Variants in PPP1R16A observed in about 807,000 individuals in gnomAD.
The protein encoded by PPP1R16A is myosin phosphatase-targeting subunit 3.
In PPP1R16A, 39 loss-of-function variants were observed where a neutral mutation model predicts 46.6. That is an observed-to-expected ratio of 0.84 (90% CI 0.65 to 1.09). The LOEUF is 1.09. Ranked by LOEUF, PPP1R16A falls within the 50% of genes least tolerant of loss-of-function variation. PPP1R16A has a pLI of 0.00. For synonymous variants in PPP1R16A, 413 were observed against 321.5 expected, an observed-to-expected ratio of 1.28 and a Z score of -3.04; for missense variants, 798 against 735.6, an observed-to-expected ratio of 1.08 and a Z score of -0.98.
At chr8:144,498,719 A>G in intron 3 of PPP1R16A, 51 bp from the exon 4 acceptor site, 4 of 1,517,454 alleles carry the variant, frequency 2.6e-6, no homozygotes, top group Non-Finnish European at 3.6e-6. Context: ...CACAGTTGAC[A>G]GGACCTGACC....
At chr8:144,485,523 C>CA (rs1421553326) in intron 1 of PPP1R16A, among the ~76,000 whole-genome samples, 1 of 104,056 alleles carries the variant, frequency 9.6e-6, no homozygotes, top group Non-Finnish European at 2.1e-5. Flanking sequence ...CACTCCATCT[C>CA]GGGAAAAAAA....
At position 144,502,010 on chromosome 8, in the gene PPP1R16A, A is replaced by G; in HGVS notation, c.*107A>G. On this transcript the variant is annotated 3_prime_UTR_variant, in exon 12 of 12. Transcript: ENST00000435887. ...GTGCAGCACGGAAACCCCGGCTTCTACTGTACAGGACACTGGCCCCTCTCA... is the reference window on the plus strand; with the variant it reads ...GTGCAGCACGGAAACCCCGGCTTCTGCTGTACAGGACACTGGCCCCTCTCA... 2 of 1,133,532 alleles carry G rather than the reference A, an allele frequency of 1.8e-6. No individual in the cohort carries two copies. The highest frequency in any genetic ancestry group is 2.4e-6 in the Non-Finnish European group (2 of 826,136). The allele number at this position is 1,133,532 out of a possible 1,614,324, so 70.2% of individuals were successfully genotyped here. A position where few individuals can be genotyped will look rare whatever the true frequency, so the allele number is the denominator to read the frequency against.
chr8:144,480,007 C>T (rs570514654), intron 1 of PPP1R16A, among the ~76,000 whole-genome samples: 45 of 152,310 alleles, frequency 3.0e-4, no homozygotes, highest in Non-Finnish European at 4.4e-4. Flanking sequence ...TCTTAGGATG[C>T]AACAGGGAAA....
chr8:144,495,283 T>C (rs1227359977), intron 2 of PPP1R16A, among the ~76,000 whole-genome samples: 1 of 152,040 alleles, frequency 6.6e-6, no homozygotes, highest in Non-Finnish European at 1.5e-5. Context: ...CAGTTCCCTT[T>C]CTGAAAGAAG....
At chr8:144,494,830 A>T (rs77593776) in intron 2 of PPP1R16A, among the ~76,000 whole-genome samples, 2 of 152,052 alleles carry the variant, frequency 1.3e-5, no homozygotes, top group South Asian at 2.1e-4. Flanking sequence ...GCAGGGAGGG[A>T]GGGCTCTGGC....
At chr8:144,479,443 C>T (rs1269762863) in intron 1 of PPP1R16A, among the ~76,000 whole-genome samples, 1 of 152,166 alleles carries the variant, frequency 6.6e-6, no homozygotes, top group African/African-American at 2.4e-5. Flanking sequence ...GGCCATCCCT[C>T]GTGTCTCTGA....
intron 1 of PPP1R16A, among the ~76,000 whole-genome samples, chr8:144,488,493 A>T (rs771942198): frequency 2.4e-4 from 36 of 151,976 alleles, no homozygotes; most frequent in Non-Finnish European, 3.8e-4. Context: ...GGCAGAGAGG[A>T]GGCGATGGGC....
chr8:144,500,401 G>A lies in PPP1R16A; in HGVS notation c.705+10G>A. On this transcript the variant is annotated intron_variant, in intron 7 of 11. Coordinates refer to ENST00000435887, the MANE Select transcript of PPP1R16A (RefSeq NM_001329443.2). ...CCACGGGGCCACGCTGGTGAGGGCT[G>A]GGGGGTGAGGGGCACACGGGGCTGG... is the stretch of plus-strand genomic sequence containing the variant. The A allele has an allele frequency of 1.3e-6, 2 of 1,519,604 alleles. No individual in the cohort carries two copies. Among genetic ancestry groups the A allele is most frequent in the Non-Finnish European group, 1.8e-6 (2 of 1,138,042 alleles). 94.1% of individuals were successfully genotyped at this position (1,519,604 alleles called of 1,614,324 possible).
intron 10 of PPP1R16A, 78 bp downstream of exon 10, chr8:144,501,049 TG>T: frequency 6.5e-7 from 1 of 1,531,808 alleles, no homozygotes. Context: ...CCAGCCGAAC[TG>T]GGGGCAGAGT....
chr8:144,495,051 G>A (rs1052654426), intron 2 of PPP1R16A, among the ~76,000 whole-genome samples: 1 of 152,188 alleles, frequency 6.6e-6, no homozygotes, highest in Non-Finnish European at 1.5e-5. Flanking sequence ...CAGGCTGCTC[G>A]GAGGGAGAGT....
chr8:144,486,020 C>T lies in PPP1R16A; in HGVS notation c.-913-4014C>T, dbSNP rs186220169. ...AGTGTGTTCCTTTGACTGGAGGAAA[C>T]GTCTATGGTATGGATGGACGGACCA... On this transcript the variant is annotated intron_variant, in intron 1 of 11. Transcript: ENST00000435887. Among the ~76,000 whole-genome samples the T allele has an allele frequency of 3.1e-4, 47 of 152,288 alleles. No homozygotes were observed. The East Asian group carries it at 8.3e-3, about 27-fold the overall frequency.
At chr8:144,494,910 C>T (rs947080795) in intron 2 of PPP1R16A, among the ~76,000 whole-genome samples, 2 of 152,184 alleles carry the variant, frequency 1.3e-5, no homozygotes, top group Non-Finnish European at 2.9e-5. Context: ...AAGACTGGCT[C>T]TCCTGCCTCT....
At chr8:144,491,872 C>T (rs1260672504) in intron 2 of PPP1R16A, among the ~76,000 whole-genome samples, 2 of 152,010 alleles carry the variant, frequency 1.3e-5, no homozygotes, top group East Asian at 1.9e-4. Flanking sequence ...GTCGAGGCTA[C>T]AGCGAGCCGT....
chr8:144,497,034 T>C lies in PPP1R16A; in HGVS notation c.-161T>C. On this transcript the variant is annotated 5_prime_UTR_variant, in exon 3 of 12. Coordinates refer to ENST00000435887, the MANE Select transcript of PPP1R16A (RefSeq NM_001329443.2). The stretch of plus-strand genomic sequence containing the variant: ...CCCAGGGCTGCCTGGGCCTGGTTAT[T>C]GTGTGGGGCCTCCTGACCCAGCCAA... The C allele has an allele frequency of 1.1e-6, 1 of 938,684 alleles. No homozygotes were observed. The highest frequency in any genetic ancestry group is 1.6e-5 in the South Asian group (1 of 62,302). 58.1% of individuals were successfully genotyped at this position (938,684 alleles called of 1,614,324 possible). A position where few individuals can be genotyped will look rare whatever the true frequency, so the allele number is the denominator to read the frequency against.
At chr8:144,481,993 G>A (rs900329934) in intron 1 of PPP1R16A, among the ~76,000 whole-genome samples, 1 of 98,856 alleles carries the variant, frequency 1.0e-5, no homozygotes, top group Admixed American at 1.1e-4. Flanking sequence ...TGGCCAGGCT[G>A]GTCTCGAACT....
At chr8:144,479,405 C>G (rs563255604) in intron 1 of PPP1R16A, among the ~76,000 whole-genome samples, 13 of 152,274 alleles carry the variant, frequency 8.5e-5, no homozygotes, top group Middle Eastern at 3.4e-3. Context: ...TCCTGGTGCT[C>G]GAGCTGGATT....
Position 144,501,598 on chromosome 8 carries a change from C to T in PPP1R16A, c.1282C>T (p.Leu428=), listed in dbSNP as rs1402695972. The T allele has an allele frequency of 1.9e-6, 3 of 1,607,678 alleles. No individual in the cohort carries two copies. Among genetic ancestry groups the T allele is most frequent in the Non-Finnish European group, 2.5e-6 (3 of 1,177,662 alleles). The part of the protein sequence containing the change: ...SPVRHLYSKR[L]DRSVSYQLSP... Reference sequence around the variant, plus strand: ...AGTGCGGCATCTATACTCCAAGCGACTAGACCGGAGTGTCTCCTACCAGCT... The same window carrying T: ...AGTGCGGCATCTATACTCCAAGCGATTAGACCGGAGTGTCTCCTACCAGCT... The change falls in exon 12 of 12, where the codon CTA becomes TTA. Residue 428 remains leucine (L), a synonymous_variant. Transcript: ENST00000435887.
chr8:144,495,163 G>C lies in PPP1R16A; in HGVS notation c.-734-1298G>C, dbSNP rs958563029. The stretch of plus-strand genomic sequence containing the variant: ...GGAAGCCTCTGAGGCTAGGCCTACA[G>C]GGGGGGACTATGTCTAGAGTAGGCT... On this transcript the variant is annotated intron_variant, in intron 2 of 11. Transcript: ENST00000435887. 4.6e-5 allele frequency among the ~76,000 whole-genome samples: 7 copies of C among 152,296 alleles called. No individual in the cohort carries two copies. The East Asian group carries it at 7.7e-4, about 17-fold the overall frequency.
intron 1 of PPP1R16A, among the ~76,000 whole-genome samples, chr8:144,484,030 T>G (rs1825545484): frequency 6.6e-6 from 1 of 152,244 alleles, no homozygotes; most frequent in African/African-American, 2.4e-5. Context: ...GGCATCTCAG[T>G]GGCTTACTGT....
Sources: gnomAD v4.1 joint callset for allele counts (sites outside exome capture counted in the v4.1 genomes callset) on GRCh38, gnomAD v4.1.1 for gene constraint, MANE v1.5 for transcripts, NCBI Gene and HGNC (gene_info 2026-07-23, HGNC 2026-07-21) for gene names.